INPP5A: variants seen among roughly 807,000 people sequenced by gnomAD.
INPP5A encodes 43 kDa inositol polyphosphate 5-phophatase.
A neutral mutation model predicts 65.2 loss-of-function variants in INPP5A; 14 were observed. The observed-to-expected ratio is 0.21, with a 90% CI of 0.14 to 0.34. The LOEUF is 0.34. Ranked by LOEUF, INPP5A falls within the 10% of genes least tolerant of loss-of-function variation. The pLI is 1.00. For synonymous variants in INPP5A, 207 were observed against 208.3 expected (o/e 0.99, Z 0.05); for missense variants, 431 against 545.6 (o/e 0.79, Z 2.09).
chr10:132,540,262 T>C (rs1051546922), intron 1 of INPP5A, among the ~76,000 whole-genome samples: 5 of 151,970 alleles, frequency 3.3e-5, no homozygotes, highest in African/African-American at 1.2e-4. Flanking sequence ...TGTGTTTCAA[T>C]TGTATACACG....
At chr10:132,539,080 C>CCCTGAAT (rs1443713437) in intron 1 of INPP5A, among the ~76,000 whole-genome samples, 6 of 152,280 alleles carry the variant, frequency 3.9e-5, no homozygotes, top group South Asian at 2.1e-4. Flanking sequence ...AAGCTCCTGC[C>CCCTGAAT]CCTGAATCCT....
intron 12 of INPP5A, among the ~76,000 whole-genome samples, chr10:132,777,207 G>A (rs1232558199): frequency 6.6e-6 from 1 of 152,214 alleles, no homozygotes; most frequent in Non-Finnish European, 1.5e-5. Flanking sequence ...CGAGGTGGGA[G>A]CGGCGTTGGT....
chr10:132,605,649 C>A (rs538183335), intron 1 of INPP5A, among the ~76,000 whole-genome samples: 5 of 152,058 alleles, frequency 3.3e-5, no homozygotes, highest in African/African-American at 1.2e-4. Flanking sequence ...GCCAGGCAGA[C>A]GCAGCAGCGC....
intron 1 of INPP5A, among the ~76,000 whole-genome samples, chr10:132,593,146 T>C (rs2819716): frequency 0.25 from 37,442 of 152,150 alleles, 5,458 homozygotes; most frequent in East Asian, 0.5. Flanking sequence ...CCCAGGATTA[T>C]CTCCCTTTTG....
In INPP5A at chr10:132,678,437, T is replaced by G. The variant is rs1230770411; in HGVS notation, c.307-11955T>G. ...GTTTCAAAACAAGGTGTCTTGGGACTTGCCTTTGTGATAGGGTTAAATGTG... is the reference window on the plus strand; with the variant it reads ...GTTTCAAAACAAGGTGTCTTGGGACGTGCCTTTGTGATAGGGTTAAATGTG... On this transcript the variant is annotated intron_variant, in intron 4 of 15. Coordinates refer to ENST00000368594, the MANE Select transcript of INPP5A (RefSeq NM_005539.5). This position sits in a 1 kb window ranked among gnomAD's most constrained non-coding sequence, Gnocchi z 4.1. 2.0e-5 allele frequency among the ~76,000 whole-genome samples: 3 copies of G among 152,262 alleles called. 1 individual carries two copies. The East Asian group carries it at 5.8e-4, about 29-fold the overall frequency.
chr10:132,651,249 CGTCTCTGGGG>C lies in INPP5A; in HGVS notation c.306+745_306+754del, dbSNP rs2072573044. ...TCCCCCGGCCTGGATCCATCTCCCCCGTCTCTGGGGAGGCCCTGGGTCCCCCGGCCTGGGT... is the reference window on the plus strand; with the variant it reads ...TCCCCCGGCCTGGATCCATCTCCCCCAGGCCCTGGGTCCCCCGGCCTGGGT... On this transcript the variant is annotated intron_variant, in intron 4 of 15. Coordinates refer to ENST00000368594, the MANE Select transcript of INPP5A (RefSeq NM_005539.5). The surrounding 1 kb of genome is among the most constrained non-coding windows in gnomAD (Gnocchi z 5.0). Among the ~76,000 whole-genome samples the C allele has an allele frequency of 6.6e-6, 1 of 151,674 alleles. No homozygotes were observed. Among genetic ancestry groups the C allele is most frequent in the African/African-American group, 2.4e-5 (1 of 41,280 alleles).
At chr10:132,649,715 C>T (rs189815310) in intron 3 of INPP5A, among the ~76,000 whole-genome samples, 85 of 152,272 alleles carry the variant, frequency 5.6e-4, no homozygotes, top group Middle Eastern at 6.8e-3. Flanking sequence ...GGATGATGGA[C>T]TGTCTCTGTG....
At chr10:132,608,215 C>T (rs543278594) in intron 2 of INPP5A, among the ~76,000 whole-genome samples, 87 of 152,330 alleles carry the variant, frequency 5.7e-4, no homozygotes, top group African/African-American at 1.6e-3. Context: ...CCGCTCCCCG[C>T]GGGGTTCAGA....
At position 132,685,689 on chromosome 10, in the gene INPP5A, C is replaced by T. The variant is rs576187093; in HGVS notation, c.307-4703C>T. On this transcript the variant is annotated intron_variant, in intron 4 of 15. Transcript: ENST00000368594. ...CCCGGCCTGAGTCATCCCGAGCCTT[C>T]CAGCCGGTGGCTCCGTCCGGGAGGT... is the stretch of plus-strand genomic sequence containing the variant. Among the ~76,000 whole-genome samples the T allele has an allele frequency of 1.1e-3, 172 of 152,356 alleles. 2 individuals are homozygous for T. Among genetic ancestry groups the T allele is most frequent in the African/African-American group, 4.0e-3 (167 of 41,584 alleles).
chr10:132,747,826 A>G (rs750011270), intron 9 of INPP5A, among the ~76,000 whole-genome samples: 13 of 152,228 alleles, frequency 8.5e-5, no homozygotes, highest in Admixed American at 7.9e-4. Flanking sequence ...AAATGGGACA[A>G]TCGCTTGAGC....
At chr10:132,585,556 G>C (rs976401815) in intron 1 of INPP5A, among the ~76,000 whole-genome samples, 4 of 152,146 alleles carry the variant, frequency 2.6e-5, no homozygotes, top group Non-Finnish European at 5.9e-5. Flanking sequence ...GCGTCCACTG[G>C]GGGGGTCTTG....
chr10:132,645,765 A>T (rs1386855766), intron 2 of INPP5A, 103 bp from the exon 3 acceptor site: 6 of 852,774 alleles, frequency 7.0e-6, no homozygotes, highest in Non-Finnish European at 9.3e-6. Context: ...TCTCTGCCAG[A>T]CCCTGGTGGC....
chr10:132,646,982 C>T (rs1159489679), intron 3 of INPP5A, among the ~76,000 whole-genome samples: 1 of 152,208 alleles, frequency 6.6e-6, no homozygotes, highest in Non-Finnish European at 1.5e-5. Flanking sequence ...GCCGCTGCAT[C>T]CTTGCTGTGA....
intron 6 of INPP5A, among the ~76,000 whole-genome samples, chr10:132,699,362 TG>T (rs57176794): frequency 0.49 from 48,077 of 98,714 alleles, 9,000 homozygotes; most frequent in East Asian, 0.79. Context: ...GGTGCTGGGG[TG>T]GGGGGGGGCT....
intron 3 of INPP5A, among the ~76,000 whole-genome samples, chr10:132,647,466 T>A (rs765618798): frequency 6.6e-6 from 1 of 152,092 alleles, no homozygotes; most frequent in Non-Finnish European, 1.5e-5. Context: ...TTCCTAACAC[T>A]CAACAAACTA....
At chr10:132,733,829 A>G (rs940026595) in intron 9 of INPP5A, among the ~76,000 whole-genome samples, 3 of 152,232 alleles carry the variant, frequency 2.0e-5, no homozygotes, top group Admixed American at 6.5e-5. Context: ...CGCGTGAACA[A>G]GCTTGATCTC....
intron 4 of INPP5A, among the ~76,000 whole-genome samples, chr10:132,684,092 C>T (rs2073086331): frequency 6.6e-6 from 1 of 152,208 alleles, no homozygotes; most frequent in Admixed American, 6.5e-5. Context: ...CTTGGTATCA[C>T]GCCATAGGAC....
At chr10:132,568,618 G>A (rs999503016) in intron 1 of INPP5A, among the ~76,000 whole-genome samples, 4 of 151,990 alleles carry the variant, frequency 2.6e-5, no homozygotes, top group East Asian at 1.9e-4. Context: ...TTAGCCATCC[G>A]TGGTGTTGGG....
chr10:132,763,662 T>C, intron 11 of INPP5A, among the ~76,000 whole-genome samples: 1 of 151,030 alleles, frequency 6.6e-6, no homozygotes, highest in Non-Finnish European at 1.5e-5. Context: ...CACACATGCC[T>C]GTGCACACAT....
Sources: gnomAD v4.1 joint callset for allele counts (sites outside exome capture counted in the v4.1 genomes callset) on GRCh38, gnomAD v4.1.1 for gene constraint, Gnocchi (gnomAD v3.1) non-coding constraint, MANE v1.5 for transcripts, NCBI Gene and HGNC (gene_info 2026-07-23, HGNC 2026-07-21) for gene names.